The following PXDC1 variants were observed in gnomAD, a reference collection of about 807,000 sequenced individuals.
PXDC1 encodes the protein PX domain containing 1.
PXDC1 carries 13 observed loss-of-function variants against 24.4 expected under a neutral mutation model. The ratio of observed to expected loss-of-function variants is 0.53; its 90% CI spans 0.35 to 0.85. The LOEUF is 0.85. Ranked by LOEUF, PXDC1 falls within the 40% of genes least tolerant of loss-of-function variation. PXDC1 has a pLI of 0.01. For synonymous variants in PXDC1, 162 were observed against 124.9 expected (o/e 1.30, Z -1.98); for missense variants, 344 against 309.3 (o/e 1.11, Z -0.84).
intron 1 of PXDC1, among the ~76,000 whole-genome samples, chr6:3,741,643 C>T (rs947698354): frequency 6.6e-6 from 1 of 152,166 alleles, no homozygotes; most frequent in African/African-American, 2.4e-5. Context: ...TTACTGAAAC[C>T]CACCTGACTG....
intron 1 of PXDC1, among the ~76,000 whole-genome samples, chr6:3,740,010 C>G (rs1182815399): frequency 6.6e-6 from 1 of 152,170 alleles, no homozygotes; most frequent in African/African-American, 2.4e-5. Context: ...AGCAAAACTA[C>G]TGTTATATTT....
intron 3 of PXDC1, among the ~76,000 whole-genome samples, chr6:3,729,525 G>A (rs1006715523): frequency 6.6e-6 from 1 of 152,206 alleles, no homozygotes; most frequent in African/African-American, 2.4e-5. Context: ...GCTCTGCGAA[G>A]CAAAGAGGAA....
chr6:3,733,048 T>C lies in PXDC1; in HGVS notation c.466+4031A>G, dbSNP rs1760237807. 2.0e-5 allele frequency among the ~76,000 whole-genome samples: 3 copies of C among 152,176 alleles called. No individual in the cohort carries two copies. In the South Asian group the frequency reaches 6.2e-4, roughly 31 times the overall value. On this transcript the variant is annotated intron_variant, in intron 3 of 4. Transcript: ENST00000380283. Reference sequence around the variant, plus strand: ...AGGCTCTGGAGTGGAGGTGACAACATCAAAAGGCTAGCGTGGGCTAGGCTC... The same window carrying C: ...AGGCTCTGGAGTGGAGGTGACAACACCAAAAGGCTAGCGTGGGCTAGGCTC...
chr6:3,731,641 T>C (rs188320212), intron 3 of PXDC1, among the ~76,000 whole-genome samples: 21 of 152,240 alleles, frequency 1.4e-4, no homozygotes, highest in African/African-American at 4.8e-4. Flanking sequence ...GTTCCTCTTT[T>C]CCGTGGGGGC....
chr6:3,727,644 C>A lies in PXDC1; in HGVS notation c.485G>T (p.Gly162Val), dbSNP rs1760097339. Residue 162 changes from glycine (G) to valine (V), a missense_variant, in exon 4 of 5, where the codon GGA (glycine) becomes GTA (valine). Physicochemically the swap from Gly to Val is moderately radical, Grantham distance 109 (BLOSUM62 -3). Transcript: ENST00000380283. ...VKISEIMRSN[G>V]FCLANTETIV... ...TGTTTCGGTATTTGCTAAACAAAAT[C>A]CATTGGACCTCATGATTTCTGAAAA... 2 of 1,613,040 alleles carry A rather than the reference C, an allele frequency of 1.2e-6. No individual in the cohort carries two copies. Among genetic ancestry groups the A allele is most frequent in the Admixed American group, 3.3e-5 (2 of 60,002 alleles).
chr6:3,750,425 G>A (rs1324679143), intron 1 of PXDC1, among the ~76,000 whole-genome samples: 1 of 145,314 alleles, frequency 6.9e-6, no homozygotes. Context: ...CTCCCCTCCC[G>A]GCCCTCCCAG....
intron 1 of PXDC1, among the ~76,000 whole-genome samples, chr6:3,747,818 G>C (rs376458896): frequency 1.0e-3 from 153 of 152,320 alleles, no homozygotes; most frequent in African/African-American, 3.5e-3. Flanking sequence ...AGAATCATGA[G>C]GGCAGGGATG....
At chr6:3,740,551 G>C (rs1318539491) in intron 1 of PXDC1, among the ~76,000 whole-genome samples, 1 of 152,172 alleles carries the variant, frequency 6.6e-6, no homozygotes, top group East Asian at 1.9e-4. Context: ...AAGTGTACCT[G>C]GTCAGGCCTC....
chr6:3,739,108 T>G, intron 1 of PXDC1: 1 of 1,176,424 alleles, frequency 8.5e-7, no homozygotes, highest in Non-Finnish European at 1.1e-6. Context: ...CTGGTCTGAT[T>G]TTGTTTTGCA....
intron 1 of PXDC1, among the ~76,000 whole-genome samples, chr6:3,740,411 A>G (rs1314481741): frequency 2.0e-5 from 3 of 152,276 alleles, no homozygotes; most frequent in Non-Finnish European, 4.4e-5. Context: ...GGATAATGCA[A>G]TAGCAGGGAC....
chr6:3,736,802 T>C (rs535521317), intron 3 of PXDC1, among the ~76,000 whole-genome samples: 54 of 152,388 alleles, frequency 3.5e-4, no homozygotes, highest in Middle Eastern at 6.8e-3. Flanking sequence ...TCAAACTCTA[T>C]CATCAATGTG....
chr6:3,747,997 T>C (rs1378724290), intron 1 of PXDC1, among the ~76,000 whole-genome samples: 1 of 152,234 alleles, frequency 6.6e-6, no homozygotes, highest in African/African-American at 2.4e-5. Context: ...AGTGGTGACC[T>C]GGTTGGCTCA....
Position 3,751,271 on chromosome 6 carries a change from C to G in PXDC1, c.256+5G>C, listed in dbSNP as rs772878839. The G allele has an allele frequency of 6.6e-7, 1 of 1,508,490 alleles. No homozygotes were observed. The highest frequency in any genetic ancestry group is 8.8e-7 in the Non-Finnish European group (1 of 1,133,114). The allele number at this position is 1,508,490 out of a possible 1,614,324, so 93.4% of individuals were successfully genotyped here. A position where few individuals can be genotyped will look rare whatever the true frequency, so the allele number is the denominator to read the frequency against. ...CGCGCCCCTCCCGCGTCCCCGGCCC[C>G]GCACCTTGCCGCAGCGGCCCCTGCG... is the stretch of plus-strand genomic sequence containing the variant. On this transcript the variant is annotated splice_donor_5th_base_variant and intron_variant, in intron 1 of 4. Coordinates refer to ENST00000380283, the MANE Select transcript of PXDC1 (RefSeq NM_183373.4).
Position 3,738,199 on chromosome 6 carries a change from C to T in PXDC1, c.257-51G>A, listed in dbSNP as rs138686016. On this transcript the variant is annotated intron_variant, in intron 1 of 4. Transcript: ENST00000380283. ...AGTCAGAATAGCACACCAGGAAACG[C>T]GCTCCCAATGCAATACACAACAGGT... 1.6e-4 allele frequency: 229 copies of T among 1,398,088 alleles called. 3 individuals are homozygous for T. In the Middle Eastern group the frequency reaches 1.8e-3, roughly 11 times the overall value. The allele number at this position is 1,398,088 out of a possible 1,614,324, so 86.6% of individuals were successfully genotyped here.
At chr6:3,731,969 T>C (rs1229177398) in intron 3 of PXDC1, among the ~76,000 whole-genome samples, 1 of 152,256 alleles carries the variant, frequency 6.6e-6, no homozygotes, top group Non-Finnish European at 1.5e-5. Context: ...TTCTGCCAGC[T>C]GTTTCCACAG....
At chr6:3,723,832 A>G in intron 4 of PXDC1, 96 bp from the exon 5 acceptor site, 1 of 920,612 alleles carries the variant, frequency 1.1e-6, no homozygotes. Flanking sequence ...AATGCCCGCT[A>G]GTAAGTGTGC....
At chr6:3,750,741 G>A (rs1760688824) in intron 1 of PXDC1, among the ~76,000 whole-genome samples, 1 of 152,140 alleles carries the variant, frequency 6.6e-6, no homozygotes, top group Non-Finnish European at 1.5e-5. Flanking sequence ...CGGCCGCTCC[G>A]AGGAGGGACG....
intron 1 of PXDC1, among the ~76,000 whole-genome samples, chr6:3,750,052 G>T (rs1050538510): frequency 1.3e-5 from 2 of 152,270 alleles, no homozygotes; most frequent in African/African-American, 2.4e-5. Flanking sequence ...GGAGCAGAGG[G>T]AGGCCTGAAA....
At position 3,723,616 on chromosome 6, in the gene PXDC1, G is replaced by C. The variant is rs754347867; in HGVS notation, c.*3C>G. 1.2e-6 allele frequency: 2 copies of C among 1,606,302 alleles called. No individual in the cohort carries two copies. Among genetic ancestry groups the C allele is most frequent in the Admixed American group, 1.7e-5 (1 of 60,024 alleles). ...TGAGGCGGGGGAGGCCTGATAGAGAGGTTCAGTCCCAAATGTCTGTCTCGA... is the reference window on the plus strand; with the variant it reads ...TGAGGCGGGGGAGGCCTGATAGAGACGTTCAGTCCCAAATGTCTGTCTCGA... On this transcript the variant is annotated 3_prime_UTR_variant, in exon 5 of 5. Coordinates refer to ENST00000380283, the MANE Select transcript of PXDC1 (RefSeq NM_183373.4).
Sources: gnomAD v4.1 joint callset for allele counts (sites outside exome capture counted in the v4.1 genomes callset) on GRCh38, gnomAD v4.1.1 for gene constraint, MANE v1.5 for transcripts, NCBI Gene and HGNC (gene_info 2026-07-23, HGNC 2026-07-21) for gene names.